The following LRRC28 variants were observed in gnomAD, a reference collection of about 807,000 sequenced individuals.
The protein encoded by LRRC28 is leucine-rich repeat-containing protein 28.
LRRC28 carries 39 observed loss-of-function variants against 45.7 expected under a neutral mutation model. The ratio of observed to expected loss-of-function variants is 0.85; its 90% CI spans 0.66 to 1.12. The LOEUF (loss-of-function observed/expected upper bound fraction) is 1.12, where lower values mean the gene tolerates loss of function less well. LRRC28 is among the 50% of genes most tolerant of loss of function. LRRC28 has a pLI of 0.00. For synonymous variants in LRRC28, 206 were observed against 178.8 expected, an observed-to-expected ratio of 1.15 and a Z score of -1.22; for missense variants, 435 against 438.5, an observed-to-expected ratio of 0.99 and a Z score of 0.07.
At chr15:99,351,883 G>T (rs2152315821) in intron 6 of LRRC28, among the ~76,000 whole-genome samples, 1 of 152,308 alleles carries the variant, frequency 6.6e-6, no homozygotes, top group African/African-American at 2.4e-5. Flanking sequence ...TTACAGCCAA[G>T]GAGCAAGGTG....
intron 3 of LRRC28, among the ~76,000 whole-genome samples, chr15:99,280,199 T>C (rs2081743862): frequency 6.6e-6 from 1 of 152,104 alleles, no homozygotes; most frequent in Admixed American, 6.6e-5. Flanking sequence ...TAAACTAGTT[T>C]TCTGTTCTAT....
In LRRC28 at chr15:99,251,487, C is replaced by A. The variant is rs1021537057; in HGVS notation, c.-115C>A. 19 of 152,580 alleles carry A rather than the reference C, an allele frequency of 1.2e-4. No individual in the cohort carries two copies. In the East Asian group the frequency reaches 1.4e-3, roughly 11 times the overall value. 9.5% of individuals were successfully genotyped at this position (152,580 alleles called of 1,614,324 possible). On this transcript the variant is annotated 5_prime_UTR_variant, in exon 1 of 10. Transcript: ENST00000301981. ...CTGCCCCGCCCCGCCCGCCGTCCCCCGCTTGGCTTCCAGCGCCGCTTGCGC... is the reference window on the plus strand; with the variant it reads ...CTGCCCCGCCCCGCCCGCCGTCCCCAGCTTGGCTTCCAGCGCCGCTTGCGC...
At chr15:99,355,237 A>C (rs909766818) in intron 7 of LRRC28, among the ~76,000 whole-genome samples, 2 of 152,224 alleles carry the variant, frequency 1.3e-5, no homozygotes, top group African/African-American at 4.8e-5. Context: ...TGTGGGAAAA[A>C]CCAAGATAGT....
intron 2 of LRRC28, among the ~76,000 whole-genome samples, chr15:99,262,891 A>C (rs989277604): frequency 6.6e-6 from 1 of 151,180 alleles, no homozygotes; most frequent in Admixed American, 6.6e-5. Flanking sequence ...CTCAAGTGAT[A>C]CTCCTGCCTT....
At chr15:99,299,837 TGTATTTTTTGTAG>T (rs2152240740) in intron 5 of LRRC28, among the ~76,000 whole-genome samples, 1 of 152,314 alleles carries the variant, frequency 6.6e-6, no homozygotes, top group Non-Finnish European at 1.5e-5. Flanking sequence ...GTTTTCACTG[TGTATTTTTTGTAG>T]GTAGTAGGAA....
chr15:99,385,158 C>T (rs1346339971), intron 9 of LRRC28, among the ~76,000 whole-genome samples: 1 of 100,528 alleles, frequency 9.9e-6, no homozygotes, highest in Admixed American at 1.0e-4. Flanking sequence ...GGTGGAAATA[C>T]TCAACCTTCC....
chr15:99,288,704 G>T (rs1015649343), intron 5 of LRRC28, among the ~76,000 whole-genome samples: 2 of 150,472 alleles, frequency 1.3e-5, no homozygotes, highest in African/African-American at 4.9e-5. Flanking sequence ...GTTTTTAACA[G>T]AGTCTCACTC....
chr15:99,323,851 A>G (rs956838461), intron 5 of LRRC28, among the ~76,000 whole-genome samples: 3 of 152,198 alleles, frequency 2.0e-5, no homozygotes, highest in African/African-American at 4.8e-5. Flanking sequence ...TTTAACAGCA[A>G]TTCGATGATC....
chr15:99,365,686 C>A (rs1341439925), intron 9 of LRRC28, among the ~76,000 whole-genome samples: 1 of 152,082 alleles, frequency 6.6e-6, no homozygotes, highest in Non-Finnish European at 1.5e-5. Context: ...ATTATATCAG[C>A]CAATATCTAA....
intron 1 of LRRC28, 24 bp downstream of exon 1, chr15:99,251,565 C>G (rs1052853861): frequency 2.6e-5 from 4 of 152,240 alleles, no homozygotes. Flanking sequence ...TCCGCCTCGT[C>G]GGGTGATTCA....
intron 2 of LRRC28, among the ~76,000 whole-genome samples, chr15:99,267,902 ATGAACGTCTGTTCC>A (rs1463315427): frequency 6.6e-6 from 1 of 152,216 alleles, no homozygotes; most frequent in African/African-American, 2.4e-5. Flanking sequence ...TTTCAGGAAA[ATGAACGTCTGTTCC>A]ATAACTTAAC....
chr15:99,271,432 C>G (rs1430410836), intron 2 of LRRC28, among the ~76,000 whole-genome samples: 1 of 151,920 alleles, frequency 6.6e-6, no homozygotes, highest in Non-Finnish European at 1.5e-5. Context: ...GTGTGTGCCA[C>G]CATGCCCAGC....
At chr15:99,360,120 C>T (rs1957160890) in intron 7 of LRRC28, among the ~76,000 whole-genome samples, 2 of 152,172 alleles carry the variant, frequency 1.3e-5, no homozygotes, top group East Asian at 1.9e-4. Flanking sequence ...AACCATCTAA[C>T]TTCAGCTAAT....
intron 2 of LRRC28, among the ~76,000 whole-genome samples, chr15:99,276,260 T>A (rs913915954): frequency 7.3e-5 from 11 of 151,690 alleles, no homozygotes; most frequent in African/African-American, 2.7e-4. Flanking sequence ...AAAATAAATG[T>A]AATGCGCTTG....
intron 5 of LRRC28, among the ~76,000 whole-genome samples, chr15:99,303,503 A>G (rs1423088366): frequency 1.3e-5 from 2 of 152,194 alleles, no homozygotes; most frequent in Non-Finnish European, 2.9e-5. Context: ...AACAAGTTCA[A>G]GGAGAATCCC....
intron 7 of LRRC28, among the ~76,000 whole-genome samples, chr15:99,352,981 C>CA (rs1458747765): frequency 6.6e-6 from 1 of 152,200 alleles, no homozygotes; most frequent in Admixed American, 6.5e-5. Context: ...GATAGTCCCT[C>CA]AAAATAAATC....
chr15:99,255,831 A>G, intron 1 of LRRC28, 67 bp from the exon 2 acceptor site: 13 of 968,640 alleles, frequency 1.3e-5, no homozygotes, highest in Non-Finnish European at 1.6e-5. Flanking sequence ...TCTGTGTGCT[A>G]ACTGGTTTAT....
intron 5 of LRRC28, among the ~76,000 whole-genome samples, chr15:99,319,355 G>A (rs889097574): frequency 2.0e-5 from 3 of 152,122 alleles, no homozygotes; most frequent in Admixed American, 6.5e-5. Context: ...CTTGAAGAAT[G>A]AGGAAGATAA....
rs1247515615 is a variant in LRRC28 at position 99,388,795 on chromosome 15, G to C, written c.*2693G>C. 2 of 152,180 alleles carry C rather than the reference G, an allele frequency of 1.3e-5. No individual in the cohort carries two copies. The highest frequency in any genetic ancestry group is 4.8e-5 in the African/African-American group (2 of 41,440). The allele number at this position is 152,180 out of a possible 1,614,324, so 9.4% of individuals were successfully genotyped here. On this transcript the variant is annotated 3_prime_UTR_variant, in exon 10 of 10. Transcript: ENST00000301981. Reference sequence around the variant, plus strand: ...GAGCTACTTGGAAAGTATCATCTCTGTTCAGGTAAGTTTACTTCAGTGAAC... The same window carrying C: ...GAGCTACTTGGAAAGTATCATCTCTCTTCAGGTAAGTTTACTTCAGTGAAC...
Sources: allele counts gnomAD v4.1 joint callset (sites outside exome capture counted in the v4.1 genomes callset), GRCh38; gene constraint gnomAD v4.1.1; transcripts MANE v1.5; gene names NCBI Gene and HGNC (gene_info 2026-07-23, HGNC 2026-07-21).